Variants in PHACTR3 observed in about 807,000 individuals in gnomAD.
PHACTR3 encodes the protein protein phosphatase 1, regulatory subunit 123.
PHACTR3 carries 16 observed loss-of-function variants against 66.8 expected under a neutral mutation model. The observed-to-expected ratio is 0.24, with a 90% CI of 0.16 to 0.36. The LOEUF (loss-of-function observed/expected upper bound fraction) is 0.36, where lower values mean the gene tolerates loss of function less well. PHACTR3 is among the 10% of genes least tolerant of loss of function. The pLI is 1.00. For synonymous variants in PHACTR3, 323 were observed against 292.1 expected (o/e 1.11, Z -1.08); for missense variants, 647 against 719.9 (o/e 0.90, Z 1.16).
intron 2 of PHACTR3, among the ~76,000 whole-genome samples, chr20:59,744,776 G>C (rs1418715665): frequency 6.6e-6 from 1 of 152,234 alleles, no homozygotes; most frequent in East Asian, 1.9e-4. Flanking sequence ...CCTCCTGTGT[G>C]CCCAGTACCA....
Position 59,820,753 on chromosome 20 carries a change from T to G in PHACTR3, c.1328+14559T>G, listed in dbSNP as rs2145418311. Among the ~76,000 whole-genome samples, 1 of 152,342 alleles carries G rather than the reference T, an allele frequency of 6.6e-6. No homozygotes were observed. The highest frequency in any genetic ancestry group is 3.4e-3 in the Middle Eastern group (1 of 294). On this transcript the variant is annotated intron_variant, in intron 8 of 12. Coordinates refer to ENST00000371015, the MANE Select transcript of PHACTR3 (RefSeq NM_080672.5). This position sits in a 1 kb window ranked among gnomAD's most constrained non-coding sequence, Gnocchi z 4.6. ...GGAATCTGTAGAGGATGGTACAGCA[T>G]GTTTTGTAAGAAAATGCAAAACAAC...
chr20:59,793,101 G>A (rs992758298), intron 7 of PHACTR3, among the ~76,000 whole-genome samples: 1 of 151,838 alleles, frequency 6.6e-6, no homozygotes, highest in Non-Finnish European at 1.5e-5. Context: ...GTTTTCCAGG[G>A]TGCTCTTGAA....
intron 1 of PHACTR3, among the ~76,000 whole-genome samples, chr20:59,732,998 A>G (rs569344334): frequency 1.3e-5 from 2 of 152,002 alleles, no homozygotes; most frequent in Non-Finnish European, 2.9e-5. Context: ...TGTAGAAAAA[A>G]GCCTATAAGC....
At chr20:59,822,969 G>C (rs926380960) in intron 8 of PHACTR3, among the ~76,000 whole-genome samples, 1 of 152,182 alleles carries the variant, frequency 6.6e-6, no homozygotes, top group Admixed American at 6.5e-5. Flanking sequence ...GGCCCTGCCC[G>C]AGCAAAAGAT....
intron 1 of PHACTR3, among the ~76,000 whole-genome samples, chr20:59,704,103 T>C (rs1169224267): frequency 3.3e-5 from 5 of 152,166 alleles, no homozygotes; most frequent in Admixed American, 1.3e-4. Context: ...AAGACTTTCA[T>C]ACATTTTTGC....
upstream of PHACTR3, among the ~76,000 whole-genome samples, chr20:59,600,125 C>T (rs970486563): frequency 7.9e-5 from 12 of 152,148 alleles, no homozygotes; most frequent in Admixed American, 2.0e-4. Flanking sequence ...TCATGGTCTT[C>T]GCTCAGGCTG....
rs1471505675 is a variant in PHACTR3, at chr20:59,822,704, T to C, written c.1329-13801T>C. On this transcript the variant is annotated intron_variant, in intron 8 of 12. Coordinates refer to ENST00000371015, the MANE Select transcript of PHACTR3 (RefSeq NM_080672.5). ...TTGGTTTCTCTCTGACTCGGCTCGT[T>C]CAGTCAGCCTGACGGGCACCTACCG... is the stretch of plus-strand genomic sequence containing the variant. Among the ~76,000 whole-genome samples the C allele has an allele frequency of 2.6e-5, 4 of 152,316 alleles. No individual in the cohort carries two copies. In the East Asian group the frequency reaches 5.8e-4, roughly 22 times the overall value.
intron 8 of PHACTR3, among the ~76,000 whole-genome samples, chr20:59,824,912 A>T (rs1260324567): frequency 6.6e-6 from 1 of 152,060 alleles, no homozygotes; most frequent in Non-Finnish European, 1.5e-5. Context: ...TGTGGTTGTT[A>T]TTTCCATGGA....
chr20:59,747,677 A>G, intron 2 of PHACTR3, 81 bp from the exon 3 acceptor site: 1 of 1,508,734 alleles, frequency 6.6e-7, no homozygotes, highest in Non-Finnish European at 9.1e-7. Flanking sequence ...TGTAAACTTG[A>G]GCCTGGCATT....
rs1190842271 is a variant in PHACTR3 at position 59,674,311 on chromosome 20, G to A, written c.119-68796G>A. 4.8e-5 allele frequency among the ~76,000 whole-genome samples: 7 copies of A among 146,104 alleles called. 2 individuals are homozygous for A. Among genetic ancestry groups the A allele is most frequent in the South Asian group, 4.4e-4 (2 of 4,502 alleles). On this transcript the variant is annotated intron_variant, in intron 1 of 12. Transcript: ENST00000371015. Reference sequence around the variant, plus strand: ...GTGCTGCCCCAGGCAGTGCTGGGGCGGGGGGCATGGCTCTGACTCCTGCCC... The same window carrying A: ...GTGCTGCCCCAGGCAGTGCTGGGGCAGGGGGCATGGCTCTGACTCCTGCCC...
intron 1 of PHACTR3, among the ~76,000 whole-genome samples, chr20:59,581,405 C>G (rs1026788012): frequency 6.6e-6 from 1 of 152,208 alleles, no homozygotes; most frequent in Non-Finnish European, 1.5e-5. Flanking sequence ...CAGCCAGTGG[C>G]CCCTCAGGTC....
At chr20:59,611,885 C>T (rs531163279) in intron 1 of PHACTR3, among the ~76,000 whole-genome samples, 17 of 152,230 alleles carry the variant, frequency 1.1e-4, no homozygotes, top group Middle Eastern at 3.4e-3. Flanking sequence ...GTGTATTTTG[C>T]GGGGATTGTT....
intron 8 of PHACTR3, among the ~76,000 whole-genome samples, chr20:59,832,735 G>A (rs1041355401): frequency 3.9e-5 from 6 of 152,052 alleles, no homozygotes; most frequent in Non-Finnish European, 8.8e-5. Context: ...GCTCAGCCTC[G>A]GTGCACACAC....
chr20:59,583,982 C>G (rs1053619881), intron 1 of PHACTR3, among the ~76,000 whole-genome samples: 2 of 152,248 alleles, frequency 1.3e-5, no homozygotes, highest in Non-Finnish European at 2.9e-5. Flanking sequence ...TTGGGCCTCA[C>G]ACTACGAAGT....
rs1199133799 is a variant in PHACTR3 at position 59,736,666 on chromosome 20, C to T, written c.119-6441C>T. 2.0e-5 allele frequency among the ~76,000 whole-genome samples: 3 copies of T among 152,194 alleles called. No homozygotes were observed. The highest frequency in any genetic ancestry group is 1.9e-4 in the East Asian group (1 of 5,192). On this transcript the variant is annotated intron_variant, in intron 1 of 12. Coordinates refer to ENST00000371015, the MANE Select transcript of PHACTR3 (RefSeq NM_080672.5). The surrounding 1 kb of genome is among the most constrained non-coding windows in gnomAD (Gnocchi z 4.6). ...CCAGCATCCGCAGGCCACACCGTGC[C>T]GTGGATGACCACACCTGCCCCGCTG...
intron 1 of PHACTR3, among the ~76,000 whole-genome samples, chr20:59,727,535 G>T (rs541782382): frequency 2.0e-5 from 3 of 152,112 alleles, no homozygotes; most frequent in Non-Finnish European, 4.4e-5. Context: ...AAGTGGCTGT[G>T]TTGGGCAGGT....
At chr20:59,704,503 G>A (rs1049689140) in intron 1 of PHACTR3, among the ~76,000 whole-genome samples, 1 of 149,800 alleles carries the variant, frequency 6.7e-6, no homozygotes, top group African/African-American at 2.4e-5. Context: ...TTGAATGTGA[G>A]GTGTAGCTTC....
At chr20:59,824,644 G>T (rs1003278922) in intron 8 of PHACTR3, among the ~76,000 whole-genome samples, 1 of 152,188 alleles carries the variant, frequency 6.6e-6, no homozygotes, top group Non-Finnish European at 1.5e-5. Flanking sequence ...TCTGTAAGAG[G>T]CCCATGTGGA....
At chr20:59,827,487 G>A (rs4810192) in intron 8 of PHACTR3, among the ~76,000 whole-genome samples, 29,952 of 152,074 alleles carry the variant, frequency 0.2, 3,374 homozygotes, top group East Asian at 0.5. Context: ...GAGACAGTGC[G>A]GTGTGCAGCT....
Sources: gnomAD v4.1 joint callset for allele counts (sites outside exome capture counted in the v4.1 genomes callset) on GRCh38, gnomAD v4.1.1 for gene constraint, Gnocchi (gnomAD v3.1) non-coding constraint, MANE v1.5 for transcripts, NCBI Gene and HGNC (gene_info 2026-07-23, HGNC 2026-07-21) for gene names.